The following ATRN variants were observed in gnomAD, a reference collection of about 807,000 sequenced individuals.
ATRN encodes the protein attractin.
ATRN carries 54 observed loss-of-function variants against 178.7 expected under a neutral mutation model. That is an observed-to-expected ratio of 0.30 (90% CI 0.24 to 0.38). The LOEUF (loss-of-function observed/expected upper bound fraction) is 0.38. Among genes scored for constraint, ATRN ranks in the 10% least tolerant of loss-of-function variants. The pLI is 1.00. For synonymous variants in ATRN, 636 were observed against 663.0 expected, an observed-to-expected ratio of 0.96 and a Z score of 0.63; for missense variants, 1,443 against 1,815.1, an observed-to-expected ratio of 0.79 and a Z score of 3.73.
At chr20:3,480,559 G>C (rs901732977) in intron 1 of ATRN, among the ~76,000 whole-genome samples, 2 of 152,172 alleles carry the variant, frequency 1.3e-5, no homozygotes, top group South Asian at 2.1e-4. Context: ...AAGCCGGTTA[G>C]AGTTGGATTT....
chr20:3,626,439 A>G (rs2086940588), intron 25 of ATRN, among the ~76,000 whole-genome samples: 1 of 152,204 alleles, frequency 6.6e-6, no homozygotes, highest in South Asian at 2.1e-4. Context: ...AGTTACAGAA[A>G]CATTTGCAAA....
intron 3 of ATRN, among the ~76,000 whole-genome samples, chr20:3,544,892 G>A (rs1025751156): frequency 4.6e-5 from 7 of 151,292 alleles, no homozygotes; most frequent in Non-Finnish European, 1.5e-5. Flanking sequence ...TGGGTTGTGA[G>A]TGAGGTCTTA....
chr20:3,499,927 C>G (rs373911785), intron 1 of ATRN, among the ~76,000 whole-genome samples: 1 of 151,102 alleles, frequency 6.6e-6, no homozygotes, highest in African/African-American at 2.4e-5. Flanking sequence ...ATTTTTGCAA[C>G]CTACTCATCT....
intron 1 of ATRN, among the ~76,000 whole-genome samples, chr20:3,503,596 A>T (rs746323136): frequency 3.9e-5 from 6 of 152,198 alleles, no homozygotes; most frequent in Non-Finnish European, 8.8e-5. Flanking sequence ...ACAGGAAAAA[A>T]AATGCTTACT....
intron 12 of ATRN, 61 bp from the exon 13 acceptor site, chr20:3,575,766 C>T (rs1387700747): frequency 2.0e-5 from 30 of 1,511,102 alleles, no homozygotes; most frequent in Non-Finnish European, 2.4e-5. Context: ...TTTTTAACTT[C>T]GGTCTCAGAT....
intron 24 of ATRN, 152 bp from the exon 25 acceptor site, chr20:3,624,359 A>G (rs2086920265): frequency 1.4e-6 from 1 of 699,464 alleles, no homozygotes; most frequent in African/African-American, 1.8e-5. Flanking sequence ...AAGTAAACTA[A>G]AGGGGTGAGG....
At chr20:3,533,116 G>A (rs994892350) in intron 1 of ATRN, among the ~76,000 whole-genome samples, 4 of 152,222 alleles carry the variant, frequency 2.6e-5, no homozygotes, top group African/African-American at 7.2e-5. Flanking sequence ...ATGACCTGTA[G>A]CAAGGCAGCC....
In ATRN at chr20:3,471,101, C is replaced by T. The variant is rs1364176722; in HGVS notation, c.-7C>T. 1.3e-6 allele frequency: 2 copies of T among 1,510,246 alleles called. No homozygotes were observed. The highest frequency in any genetic ancestry group is 1.4e-5 in the African/African-American group (1 of 69,644). 93.6% of individuals were successfully genotyped at this position (1,510,246 alleles called of 1,614,324 possible). On this transcript the variant is annotated 5_prime_UTR_variant, in exon 1 of 29. Coordinates refer to ENST00000262919, the MANE Select transcript of ATRN (RefSeq NM_139321.3). ...TGTTCGCGGGGCGCCGTCTCAGCCC[C>T]GGGAAGATGGTGGCTGCAGCGGCGG...
At chr20:3,629,082 A>C (rs1446106535) in intron 25 of ATRN, 1 of 984,544 alleles carries the variant, frequency 1.0e-6, no homozygotes. Context: ...CTCAGCAGGC[A>C]CTCCCTTACC....
chr20:3,520,497 T>C (rs1390461253), intron 1 of ATRN, among the ~76,000 whole-genome samples: 8 of 152,226 alleles, frequency 5.3e-5, no homozygotes, highest in African/African-American at 1.9e-4. Flanking sequence ...GACAACTTTT[T>C]TCTTTTTTTC....
Position 3,645,552 on chromosome 20 carries a change from C to T in ATRN, c.4166-1171C>T, listed in dbSNP as rs1237137099. Among the ~76,000 whole-genome samples the T allele has an allele frequency of 1.3e-5, 2 of 152,244 alleles. No individual in the cohort carries two copies. Among genetic ancestry groups the T allele is most frequent in the Admixed American group, 6.5e-5 (1 of 15,292 alleles). Reference sequence around the variant, plus strand: ...GCGGCAAGGTGACAGGTGTGCAGCCCTGTAGCCTTTCCTGCTCCAGCCTTT... The same window carrying T: ...GCGGCAAGGTGACAGGTGTGCAGCCTTGTAGCCTTTCCTGCTCCAGCCTTT... On this transcript the variant is annotated intron_variant, in intron 28 of 28. Transcript: ENST00000262919. The surrounding 1 kb of genome is among the most constrained non-coding windows in gnomAD (Gnocchi z 4.7).
At chr20:3,545,703 T>C in intron 3 of ATRN, 59 bp from the exon 4 acceptor site, 1 of 1,573,242 alleles carries the variant, frequency 6.4e-7, no homozygotes, top group Non-Finnish European at 8.6e-7. Flanking sequence ...TTCTGTCTGC[T>C]ACAATTTGAC....
At chr20:3,621,751 T>A (rs1211270264) in intron 24 of ATRN, among the ~76,000 whole-genome samples, 1 of 152,126 alleles carries the variant, frequency 6.6e-6, no homozygotes, top group South Asian at 2.1e-4. Flanking sequence ...ATATTGTCTT[T>A]AAAAATGAAA....
chr20:3,593,538 T>C (rs1242282733), intron 19 of ATRN, among the ~76,000 whole-genome samples: 1 of 152,110 alleles, frequency 6.6e-6, no homozygotes, highest in African/African-American at 2.4e-5. Flanking sequence ...GGACGCTGAA[T>C]TCAAACCCAG....
Position 3,471,443 on chromosome 20 carries a change from C to G in ATRN, c.336C>G (p.Asn112Lys). 1 of 1,449,418 alleles carries G rather than the reference C, an allele frequency of 6.9e-7. No individual in the cohort carries two copies. The highest frequency in any genetic ancestry group is 9.0e-7 in the Non-Finnish European group (1 of 1,108,666). 89.8% of individuals were successfully genotyped at this position (1,449,418 alleles called of 1,614,324 possible). A position where few individuals can be genotyped will look rare whatever the true frequency, so the allele number is the denominator to read the frequency against. The stretch of plus-strand genomic sequence containing the variant: ...CCTGTGTCAACGGCGGTCGCTGCAA[C>G]CCTGGCACCGGCCAGTGCGTCTGCC... ...DRPCVNGGRC[N>K]PGTGQCVCPA... is the part of the protein sequence containing the mutation. Residue 112 changes from asparagine to lysine, a missense_variant, in exon 1 of 29, where the codon AAC (asparagine) becomes AAG (lysine). Asn to Lys is a moderately conservative substitution (Grantham distance 94). This residue lies in a region of ATRN where 862 missense variants were observed against 972.1 expected (regional missense o/e 0.89). Transcript: ENST00000262919.
At chr20:3,575,701 A>G (rs956266089) in intron 12 of ATRN, 126 bp from the exon 13 acceptor site, 3 of 1,063,182 alleles carry the variant, frequency 2.8e-6, no homozygotes, top group South Asian at 1.7e-5. Flanking sequence ...TACCAAATAT[A>G]TTTTCCTGCC....
At chr20:3,534,825 C>T (rs932290690) in intron 1 of ATRN, among the ~76,000 whole-genome samples, 7 of 151,882 alleles carry the variant, frequency 4.6e-5, no homozygotes, top group Non-Finnish European at 7.4e-5. Flanking sequence ...AGAAATTTAT[C>T]GCTGGGTGTG....
intron 27 of ATRN, among the ~76,000 whole-genome samples, chr20:3,643,748 G>C (rs2146328135): frequency 6.6e-6 from 1 of 152,296 alleles, no homozygotes; most frequent in South Asian, 2.1e-4. Flanking sequence ...CATGATATCT[G>C]CATCTGTGTT....
chr20:3,551,364 G>A (rs558622569), intron 6 of ATRN, among the ~76,000 whole-genome samples: 4 of 152,244 alleles, frequency 2.6e-5, no homozygotes, highest in African/African-American at 7.2e-5. Flanking sequence ...GCTTCTACAT[G>A]GGAAAATTCA....
Sources: gnomAD v4.1 joint callset for allele counts (sites outside exome capture counted in the v4.1 genomes callset) on GRCh38, gnomAD v4.1.1 for gene constraint, gnomAD v4.1.1 regional missense constraint, Gnocchi (gnomAD v3.1) non-coding constraint, MANE v1.5 for transcripts, NCBI Gene and HGNC (gene_info 2026-07-23, HGNC 2026-07-21) for gene names.